PHLDB2: variants seen among roughly 807,000 people sequenced by gnomAD.
PHLDB2 encodes the protein pleckstrin homology-like domain family B member 2.
In PHLDB2, 71 loss-of-function variants were observed where a neutral mutation model predicts 123.6. The observed-to-expected ratio is 0.57, with a 90% CI of 0.47 to 0.70. The LOEUF is 0.70. Among genes scored for constraint, PHLDB2 ranks in the 30% least tolerant of loss-of-function variants. The pLI is 0.00. For synonymous variants in PHLDB2, 547 were observed against 541.6 expected (o/e 1.01, Z -0.14); for missense variants, 1,446 against 1,519.5 (o/e 0.95, Z 0.80).
chr3:111,859,818 AG>A, intron 1 of PHLDB2: 4 of 985,536 alleles, frequency 4.1e-6, no homozygotes, highest in Non-Finnish European at 4.8e-6. Context: ...GCGGGGGCAA[AG>A]GCTAGGCGCT....
intron 12 of PHLDB2, among the ~76,000 whole-genome samples, chr3:111,954,310 A>G (rs972670320): frequency 6.6e-6 from 1 of 152,206 alleles, no homozygotes; most frequent in Admixed American, 6.5e-5. Flanking sequence ...CGATTAATAG[A>G]AAGAAAAGAG....
At chr3:111,918,459 A>C (rs2068304950) in intron 3 of PHLDB2, among the ~76,000 whole-genome samples, 1 of 152,174 alleles carries the variant, frequency 6.6e-6, no homozygotes, top group African/African-American at 2.4e-5. Flanking sequence ...TTTAATACTG[A>C]GTGTGTAGTT....
At chr3:111,744,399 A>G (rs2059650774) in intron 1 of PHLDB2, among the ~76,000 whole-genome samples, 4 of 152,214 alleles carry the variant, frequency 2.6e-5, no homozygotes, top group African/African-American at 9.6e-5. Flanking sequence ...ATATTTTAAA[A>G]TGTTTTAACA....
At chr3:111,860,070 G>T (rs1248026698) in intron 1 of PHLDB2, among the ~76,000 whole-genome samples, 1 of 152,046 alleles carries the variant, frequency 6.6e-6, no homozygotes, top group Non-Finnish European at 1.5e-5. Flanking sequence ...GTGTCTGGTA[G>T]GGAAGATGCT....
At chr3:111,770,098 T>G (rs566104789) in intron 1 of PHLDB2, among the ~76,000 whole-genome samples, 1 of 152,204 alleles carries the variant, frequency 6.6e-6, no homozygotes, top group African/African-American at 2.4e-5. Context: ...ACTGATGTAA[T>G]GAGAAAAACA....
At chr3:111,812,605 G>C (rs1449134625) in intron 1 of PHLDB2, among the ~76,000 whole-genome samples, 1 of 152,078 alleles carries the variant, frequency 6.6e-6, no homozygotes, top group Admixed American at 6.5e-5. Context: ...GGATGAGTTT[G>C]CTTAGTATGA....
intron 3 of PHLDB2, chr3:111,917,293 C>T (rs541113187): frequency 2.0e-5 from 3 of 152,340 alleles, no homozygotes; most frequent in Admixed American, 2.0e-4. Context: ...ATGATTCCCA[C>T]TATTAACCAT....
At chr3:111,857,460 A>AAAAAAAAG (rs71131985), upstream of PHLDB2, among the ~76,000 whole-genome samples, 3 of 81,042 alleles carry the variant, frequency 3.7e-5, no homozygotes, top group Admixed American at 1.4e-4. Flanking sequence ...CAAAAAAAAA[A>AAAAAAAAG]AAAAGAAAAG....
At chr3:111,865,563 G>T (rs1013792307) in intron 1 of PHLDB2, among the ~76,000 whole-genome samples, 1 of 152,120 alleles carries the variant, frequency 6.6e-6, no homozygotes, top group Non-Finnish European at 1.5e-5. Flanking sequence ...ACCATGTTGA[G>T]TATGGAGAAA....
At chr3:111,816,862 T>A (rs1408188896) in intron 1 of PHLDB2, among the ~76,000 whole-genome samples, 1 of 152,196 alleles carries the variant, frequency 6.6e-6, no homozygotes, top group Non-Finnish European at 1.5e-5. Flanking sequence ...TTTCCACATG[T>A]TGTGGGAACA....
intron 2 of PHLDB2, among the ~76,000 whole-genome samples, chr3:111,893,378 A>G (rs141438161): frequency 6.6e-6 from 1 of 152,036 alleles, no homozygotes; most frequent in Non-Finnish European, 1.5e-5. Context: ...TTAATTTATT[A>G]AAAAAATGGC....
At position 111,757,722 on chromosome 3, in the gene PHLDB2, C is replaced by T. The variant is rs937315677; in HGVS notation, c.-49+25019C>T. ...TGTGGTTTTATCTACTTTTTGTCTT[C>T]GATGTTGGTGATGTACAGATGGGTT... is the stretch of plus-strand genomic sequence containing the variant. On this transcript the variant is annotated intron_variant, in intron 1 of 17. Transcript: ENST00000393923. Among the ~76,000 whole-genome samples the T allele has an allele frequency of 4.6e-5, 7 of 152,054 alleles. No homozygotes were observed. The East Asian group carries it at 5.8e-4, about 13-fold the overall frequency.
At chr3:111,757,353 T>A (rs1471425667) in intron 1 of PHLDB2, among the ~76,000 whole-genome samples, 1 of 152,222 alleles carries the variant, frequency 6.6e-6, no homozygotes, top group Non-Finnish European at 1.5e-5. Context: ...CGTTTCTTTT[T>A]ATTCTTTTTT....
rs77860308 is a variant in PHLDB2, at chr3:111,842,180, A to G, written c.-48-3641A>G. On this transcript the variant is annotated intron_variant, in intron 1 of 17. Transcript: ENST00000393923. ...TTATAACTGCTCAAATATAATGGCCATTATTATTATCTGGTCTTTAGCAGT... is the reference window on the plus strand; with the variant it reads ...TTATAACTGCTCAAATATAATGGCCGTTATTATTATCTGGTCTTTAGCAGT... 7.1e-3 allele frequency among the ~76,000 whole-genome samples: 1,077 copies of G among 152,330 alleles called. 34 individuals are homozygous for G. The East Asian group carries it at 0.082, about 12-fold the overall frequency.
intron 1 of PHLDB2, among the ~76,000 whole-genome samples, chr3:111,823,732 G>T (rs1222642361): frequency 6.6e-6 from 1 of 152,120 alleles, no homozygotes; most frequent in Non-Finnish European, 1.5e-5. Flanking sequence ...AAATAACTTG[G>T]TCATTATATA....
At chr3:111,898,189 T>TGTGTGTGTGG (rs2066988346) in intron 2 of PHLDB2, among the ~76,000 whole-genome samples, 1 of 146,514 alleles carries the variant, frequency 6.8e-6, no homozygotes, top group African/African-American at 2.7e-5. Flanking sequence ...TGTTTGTGTG[T>TGTGTGTGTGG]GTGTGTGTGT....
chr3:111,967,934 C>A (rs2107682278), intron 15 of PHLDB2, 110 bp downstream of exon 15: 1 of 543,754 alleles, frequency 1.8e-6, no homozygotes, highest in Non-Finnish European at 2.8e-6. Context: ...AGCATTAGCA[C>A]TTGACATGTA....
chr3:111,750,454 A>T (rs1464248003), intron 1 of PHLDB2, among the ~76,000 whole-genome samples: 2 of 152,198 alleles, frequency 1.3e-5, no homozygotes, highest in Non-Finnish European at 2.9e-5. Flanking sequence ...AACAATACAC[A>T]TGGCTGCAAT....
chr3:111,924,943 C>T (rs2068734555), intron 5 of PHLDB2, among the ~76,000 whole-genome samples: 1 of 152,162 alleles, frequency 6.6e-6, no homozygotes, highest in Admixed American at 6.5e-5. Flanking sequence ...ATTCTCCTGC[C>T]TCAGCCTCCC....
Sources: allele counts gnomAD v4.1 joint callset (sites outside exome capture counted in the v4.1 genomes callset), GRCh38; gene constraint gnomAD v4.1.1; transcripts MANE v1.5; gene names NCBI Gene and HGNC (gene_info 2026-07-23, HGNC 2026-07-21).